Variants in ARRB1 observed in about 807,000 individuals in gnomAD.
ARRB1 encodes the protein arrestin beta 1, also known as beta-arrestin-1.
Under a neutral mutation model 56.8 loss-of-function variants are expected in ARRB1, and 21 were observed. That is an observed-to-expected ratio of 0.37 (90% CI 0.26 to 0.53). The LOEUF (loss-of-function observed/expected upper bound fraction) is 0.53. ARRB1 is among the 20% of genes least tolerant of loss of function. ARRB1 has a pLI of 0.88. For synonymous variants in ARRB1, 210 were observed against 218.6 expected, an observed-to-expected ratio of 0.96 and a Z score of 0.35; for missense variants, 424 against 553.7, an observed-to-expected ratio of 0.77 and a Z score of 2.35.
At chr11:75,310,804 C>T (rs1396805937) in intron 1 of ARRB1, among the ~76,000 whole-genome samples, 1 of 152,172 alleles carries the variant, frequency 6.6e-6, no homozygotes, top group South Asian at 2.1e-4. Flanking sequence ...CTGATTGAGT[C>T]AGTCATGTGG....
At chr11:75,291,153 G>A (rs1224213479) in intron 1 of ARRB1, among the ~76,000 whole-genome samples, 1 of 152,014 alleles carries the variant, frequency 6.6e-6, no homozygotes, top group Non-Finnish European at 1.5e-5. Flanking sequence ...CCTAACTAAT[G>A]TGGTGAAACC....
rs776516816 is a variant in ARRB1, at chr11:75,282,010, G to T, written c.366C>A (p.Asn122Lys). Residue 122 changes from asparagine to lysine, a missense_variant, in exon 6 of 16, where the codon AAC becomes AAA. This residue lies in a region of ARRB1 where 301 missense variants were observed against 387.9 expected (regional missense o/e 0.78). Coordinates refer to ENST00000420843, the MANE Select transcript of ARRB1 (RefSeq NM_004041.5). ...AYPFTFEIPP[N>K]LPCSVTLQPG... ...GCTGCAGTGTCACAGAACATGGAAGGTTTGGAGGGATCTGTCAAGAAGAGG... is the reference window on the plus strand; with the variant it reads ...GCTGCAGTGTCACAGAACATGGAAGTTTTGGAGGGATCTGTCAAGAAGAGG... 11 of 1,613,984 alleles carry T rather than the reference G, an allele frequency of 6.8e-6. No homozygotes were observed. In the East Asian group the frequency reaches 2.2e-4, roughly 33 times the overall value.
chr11:75,324,304 T>C (rs938823055), intron 1 of ARRB1, among the ~76,000 whole-genome samples: 15 of 152,224 alleles, frequency 9.9e-5, no homozygotes, highest in African/African-American at 3.4e-4. Flanking sequence ...CTGCTTCCTT[T>C]ACTGCTGGGA....
chr11:75,263,093 C>T lies in ARRB1; in HGVS notation c.*3070G>A, dbSNP rs552791254. 1.3e-5 allele frequency among the ~76,000 whole-genome samples: 2 copies of T among 152,332 alleles called. No individual in the cohort carries two copies. The highest frequency in any genetic ancestry group is 4.1e-4 in the South Asian group (2 of 4,828). On this transcript the variant is annotated 3_prime_UTR_variant, in exon 16 of 16. Transcript: ENST00000420843. ...AAAGTCCCAGTGACGGATGGCTTGG[C>T]CAGTGCAGGCCCCAAACACTTGGCA... is the stretch of plus-strand genomic sequence containing the variant.
At chr11:75,325,609 C>T (rs1947418399) in intron 1 of ARRB1, among the ~76,000 whole-genome samples, 1 of 152,216 alleles carries the variant, frequency 6.6e-6, no homozygotes, top group Non-Finnish European at 1.5e-5. Context: ...AGGCGTGAGC[C>T]ACCATGCCTG....
rs1945771584 is a variant in ARRB1 at position 75,260,877 on chromosome 11, G to A, written c.*5286C>T. On this transcript the variant is annotated 3_prime_UTR_variant, in exon 16 of 16. Coordinates refer to ENST00000420843, the MANE Select transcript of ARRB1 (RefSeq NM_004041.5). The stretch of plus-strand genomic sequence containing the variant: ...TCCTCCCTGAGTCTGTCTTTTATGT[G>A]AGCCAAGATTTCCATCCATCCGGCG... 6.6e-6 allele frequency: 1 copy of A among 152,144 alleles called. No homozygotes were observed. Among genetic ancestry groups the A allele is most frequent in the South Asian group, 2.1e-4 (1 of 4,832 alleles). The allele number at this position is 152,144 out of a possible 1,614,324, so 9.4% of individuals were successfully genotyped here.
chr11:75,342,947 G>C (rs1257008552), intron 1 of ARRB1, among the ~76,000 whole-genome samples: 1 of 152,108 alleles, frequency 6.6e-6, no homozygotes, highest in Non-Finnish European at 1.5e-5. Flanking sequence ...AATTCCTATG[G>C]CTCTGGGCTA....
rs3893000 is a variant in ARRB1, at chr11:75,263,400, C to T, written c.*2763G>A. On this transcript the variant is annotated 3_prime_UTR_variant, in exon 16 of 16. Transcript: ENST00000420843. ...CAGCGTATGGCCGTGCAGCAGGGCA[C>T]CTCTGGCCAAGGGGCAAGGGGTGCT... 2.5e-3 allele frequency among the ~76,000 whole-genome samples: 387 copies of T among 152,352 alleles called. 2 individuals carry two copies. The highest frequency in any genetic ancestry group is 9.1e-3 in the African/African-American group (378 of 41,576).
At chr11:75,269,227 C>G in intron 13 of ARRB1, 1 of 689,014 alleles carries the variant, frequency 1.5e-6, no homozygotes, top group Non-Finnish European at 2.7e-6. Flanking sequence ...GGGAAGAGGC[C>G]CAGGGGTGGG....
At chr11:75,317,539 T>TCTC (rs1396515926) in intron 1 of ARRB1, among the ~76,000 whole-genome samples, 10 of 152,132 alleles carry the variant, frequency 6.6e-5, no homozygotes, top group East Asian at 3.9e-4. Context: ...CATCAGACAA[T>TCTC]CTCCTGTGCC....
chr11:75,281,333 C>T (rs530368903), intron 6 of ARRB1, among the ~76,000 whole-genome samples, 191 bp from the exon 7 acceptor site: 1 of 152,298 alleles, frequency 6.6e-6, no homozygotes, highest in South Asian at 2.1e-4. Context: ...CTGCCTCCTC[C>T]ATCTGACATG....
At chr11:75,291,033 C>A (rs182378183) in intron 1 of ARRB1, among the ~76,000 whole-genome samples, 115 of 152,328 alleles carry the variant, frequency 7.5e-4, no homozygotes, top group African/African-American at 2.6e-3. Context: ...CCCAAGCACC[C>A]AGAACAGCAC....
At chr11:75,273,125 G>A (rs1191306272) in intron 11 of ARRB1, 147 bp from the exon 12 acceptor site, 1 of 666,248 alleles carries the variant, frequency 1.5e-6, no homozygotes, top group Non-Finnish European at 2.6e-6. Flanking sequence ...CAGTGGAGAT[G>A]AGGAAGGCGA....
intron 1 of ARRB1, among the ~76,000 whole-genome samples, chr11:75,307,121 G>A (rs931078683): frequency 6.6e-6 from 1 of 152,166 alleles, no homozygotes; most frequent in Non-Finnish European, 1.5e-5. Context: ...GCAGTCTCCT[G>A]TAAGGAGTCT....
At chr11:75,287,428 G>A in intron 2 of ARRB1, 53 bp from the exon 3 acceptor site, 1 of 1,537,198 alleles carries the variant, frequency 6.5e-7, no homozygotes, top group South Asian at 1.2e-5. Context: ...AGAGGACACA[G>A]GACCCTGTCT....
chr11:75,347,765 A>ATT (rs1947794565), intron 1 of ARRB1, among the ~76,000 whole-genome samples: 1 of 152,166 alleles, frequency 6.6e-6, no homozygotes, highest in African/African-American at 2.4e-5. Flanking sequence ...ACACTACTAG[A>ATT]TTACAGTTGA....
At chr11:75,287,288 C>G in intron 3 of ARRB1, 27 bp downstream of exon 3, 1 of 1,546,666 alleles carries the variant, frequency 6.5e-7, no homozygotes. Context: ...CTTCCCCCAG[C>G]CCTCCTCTCG....
intron 1 of ARRB1, among the ~76,000 whole-genome samples, chr11:75,314,218 T>C (rs938732814): frequency 1.3e-5 from 2 of 152,112 alleles, no homozygotes; most frequent in Non-Finnish European, 2.9e-5. Flanking sequence ...TGCTCCCCAT[T>C]GTGTGTAAGG....
At chr11:75,324,418 C>A (rs770169075) in intron 1 of ARRB1, among the ~76,000 whole-genome samples, 1 of 152,210 alleles carries the variant, frequency 6.6e-6, no homozygotes, top group Non-Finnish European at 1.5e-5. Flanking sequence ...ACAGCAGCCG[C>A]CCTCGTCAGC....
Sources: gnomAD v4.1 joint callset for allele counts (sites outside exome capture counted in the v4.1 genomes callset) on GRCh38, gnomAD v4.1.1 for gene constraint, gnomAD v4.1.1 regional missense constraint, MANE v1.5 for transcripts, NCBI Gene and HGNC (gene_info 2026-07-23, HGNC 2026-07-21) for gene names.